MAGI2: variants seen among roughly 807,000 people sequenced by gnomAD.
MAGI2 encodes membrane-associated guanylate kinase, WW and PDZ domain-containing protein 2.
MAGI2 carries 35 observed loss-of-function variants against 133.3 expected under a neutral mutation model. That is an observed-to-expected ratio of 0.26 (90% CI 0.20 to 0.35). The LOEUF is 0.35. MAGI2 is among the 10% of genes least tolerant of loss of function. The pLI, the probability that MAGI2 is intolerant of heterozygous loss-of-function variation, is 1.00. For synonymous variants in MAGI2, 729 were observed against 710.6 expected, an observed-to-expected ratio of 1.03 and a Z score of -0.41; for missense variants, 1,636 against 1,863.4, an observed-to-expected ratio of 0.88 and a Z score of 2.25.
At chr7:78,869,850 T>C (rs1794884893) in intron 2 of MAGI2, among the ~76,000 whole-genome samples, 1 of 152,302 alleles carries the variant, frequency 6.6e-6, no homozygotes, top group African/African-American at 2.4e-5. Flanking sequence ...ACCATCAGTG[T>C]CCTTTCCCAA....
chr7:79,297,868 T>C (rs1049331902), intron 1 of MAGI2, among the ~76,000 whole-genome samples: 1 of 152,206 alleles, frequency 6.6e-6, no homozygotes, highest in East Asian at 1.9e-4. Flanking sequence ...GACTTAACTT[T>C]CGTCAGGTGG....
intron 5 of MAGI2, among the ~76,000 whole-genome samples, chr7:78,500,857 T>C (rs11974295): frequency 1.3e-5 from 2 of 152,128 alleles, no homozygotes; most frequent in African/African-American, 4.8e-5. Flanking sequence ...GTGAGGCCAG[T>C]GTGGGCAATC....
chr7:78,353,234 G>C (rs1029881060), intron 7 of MAGI2, among the ~76,000 whole-genome samples: 1 of 152,202 alleles, frequency 6.6e-6, no homozygotes, highest in Non-Finnish European at 1.5e-5. Flanking sequence ...TTCTGTATTA[G>C]AGACAAGACT....
chr7:78,939,050 G>T (rs755135581), intron 2 of MAGI2, among the ~76,000 whole-genome samples: 1 of 152,128 alleles, frequency 6.6e-6, no homozygotes, highest in Non-Finnish European at 1.5e-5. Flanking sequence ...TTGGAATGCA[G>T]TGGCATGATC....
chr7:79,221,508 G>T (rs113449210), intron 1 of MAGI2, among the ~76,000 whole-genome samples: 1 of 151,984 alleles, frequency 6.6e-6, no homozygotes, highest in East Asian at 1.9e-4. Context: ...GCAACTTGAG[G>T]TGGGAACTAA....
chr7:78,079,450 A>G (rs1444660226), intron 20 of MAGI2, among the ~76,000 whole-genome samples: 1 of 152,230 alleles, frequency 6.6e-6, no homozygotes, highest in Non-Finnish European at 1.5e-5. Context: ...TCAAAAAGTA[A>G]ACATTTTAAG....
At chr7:78,679,525 C>A (rs1408130480) in intron 2 of MAGI2, among the ~76,000 whole-genome samples, 1 of 119,524 alleles carries the variant, frequency 8.4e-6, no homozygotes, top group Admixed American at 9.1e-5. Context: ...CCTAAATGAG[C>A]ACAGCTCTAA....
intron 1 of MAGI2, among the ~76,000 whole-genome samples, chr7:79,086,661 T>C (rs1481934898): frequency 6.6e-6 from 1 of 151,866 alleles, no homozygotes; most frequent in Non-Finnish European, 1.5e-5. Context: ...GTGATCTCGC[T>C]TTCTTATTGT....
chr7:78,925,218 C>T (rs1479362310), intron 2 of MAGI2, among the ~76,000 whole-genome samples: 2 of 152,020 alleles, frequency 1.3e-5, no homozygotes, highest in Non-Finnish European at 2.9e-5. Context: ...ATTCATCACA[C>T]TAATTTTTCA....
At chr7:79,101,549 C>A (rs1379325791) in intron 1 of MAGI2, among the ~76,000 whole-genome samples, 1 of 151,740 alleles carries the variant, frequency 6.6e-6, no homozygotes, top group African/African-American at 2.4e-5. Context: ...ACGGTGAAAC[C>A]CCGTCTCCAC....
intron 2 of MAGI2, among the ~76,000 whole-genome samples, chr7:78,810,602 G>C (rs1788964766): frequency 6.6e-6 from 1 of 152,012 alleles, no homozygotes; most frequent in Admixed American, 6.6e-5. Context: ...TCTGAATTAT[G>C]AGTTTTGCAA....
chr7:78,452,967 T>C (rs531437926), intron 6 of MAGI2, among the ~76,000 whole-genome samples: 2 of 152,186 alleles, frequency 1.3e-5, no homozygotes, highest in Non-Finnish European at 2.9e-5. Flanking sequence ...CTTGCTTTTA[T>C]GTCAAAACTA....
At chr7:78,027,101 T>G (rs1185707907) in intron 21 of MAGI2, among the ~76,000 whole-genome samples, 1 of 152,186 alleles carries the variant, frequency 6.6e-6, no homozygotes, top group Admixed American at 6.5e-5. Flanking sequence ...TTGGGTAATG[T>G]TCTACAAACT....
intron 5 of MAGI2, among the ~76,000 whole-genome samples, chr7:78,495,698 A>G (rs928587392): frequency 2.5e-4 from 38 of 152,030 alleles, no homozygotes; most frequent in African/African-American, 8.9e-4. Flanking sequence ...TTTTCCTACA[A>G]TTTCTCTTAA....
intron 9 of MAGI2, among the ~76,000 whole-genome samples, chr7:78,312,202 CAA>C (rs1255364987): frequency 6.7e-6 from 1 of 149,696 alleles, no homozygotes; most frequent in East Asian, 1.9e-4. Flanking sequence ...AACTTCATGC[CAA>C]AAAAAGTTGT....
intron 6 of MAGI2, among the ~76,000 whole-genome samples, chr7:78,476,715 T>C (rs1471689071): frequency 3.3e-5 from 5 of 151,968 alleles, no homozygotes; most frequent in Admixed American, 1.3e-4. Context: ...TCTTAAGCTG[T>C]TGGAAAGATA....
At chr7:79,216,869 C>T (rs1830070143) in intron 1 of MAGI2, among the ~76,000 whole-genome samples, 2 of 151,956 alleles carry the variant, frequency 1.3e-5, no homozygotes, top group Admixed American at 1.3e-4. Context: ...GTTTTCTTCG[C>T]CAATAGATAA....
In MAGI2 at chr7:78,019,405, C is replaced by A. The variant is rs1584845744; in HGVS notation, c.4278G>T (p.Lys1426Asn). ...PRPPGGAPAR[K>N]AAVAPGPWKV... is the part of the protein sequence containing the mutation. ...TCCAGGGCCCCGGCGCGACGGCGGCCTTGCGCGCCGGGGCGCCCCCCGGGG... is the reference window on the plus strand; with the variant it reads ...TCCAGGGCCCCGGCGCGACGGCGGCATTGCGCGCCGGGGCGCCCCCCGGGG... The change falls in exon 22 of 22, where the codon AAG becomes AAT. Residue 1426 changes from lysine to asparagine, a missense_variant. By Grantham distance (94) the Lys-to-Asn change is moderately conservative. Around this residue, in one of 5 missense-constraint regions of MAGI2, gnomAD observed 354 missense variants for 298.7 expected, o/e 1.19. Transcript: ENST00000354212. The A allele has an allele frequency of 8.5e-7, 1 of 1,178,142 alleles. No homozygotes were observed. Among genetic ancestry groups the A allele is most frequent in the South Asian group, 4.0e-5 (1 of 24,872 alleles). The allele number at this position is 1,178,142 out of a possible 1,614,324, so 73.0% of individuals were successfully genotyped here.
intron 9 of MAGI2, among the ~76,000 whole-genome samples, chr7:78,301,742 C>A (rs1275719871): frequency 6.6e-6 from 1 of 152,160 alleles, no homozygotes; most frequent in African/African-American, 2.4e-5. Context: ...ATCTCAGCAG[C>A]TTTGTACTAC....
Sources: gnomAD v4.1 joint callset for allele counts (sites outside exome capture counted in the v4.1 genomes callset) on GRCh38, gnomAD v4.1.1 for gene constraint, gnomAD v4.1.1 regional missense constraint, MANE v1.5 for transcripts, NCBI Gene and HGNC (gene_info 2026-07-23, HGNC 2026-07-21) for gene names.